PHLPP1: variants seen among roughly 807,000 people sequenced by gnomAD.
PHLPP1 encodes the protein PH domain and leucine rich repeat protein phosphatase 1, also known as PH domain leucine-rich repeat-containing protein phosphatase 1.
PHLPP1 carries 42 observed loss-of-function variants against 117.2 expected under a neutral mutation model. The ratio of observed to expected loss-of-function variants is 0.36; its 90% confidence interval spans 0.28 to 0.46. PHLPP1 has a LOEUF of 0.46. Among genes scored for constraint, PHLPP1 ranks in the 20% least tolerant of loss-of-function variants. The pLI is 1.00. For synonymous variants in PHLPP1, 1,042 were observed against 970.7 expected, an observed-to-expected ratio of 1.07 and a Z score of -1.37; for missense variants, 2,084 against 2,241.9, an observed-to-expected ratio of 0.93 and a Z score of 1.42.
intron 12 of PHLPP1, among the ~76,000 whole-genome samples, chr18:62,949,334 G>A (rs566526092): frequency 5.5e-4 from 84 of 152,302 alleles, no homozygotes; most frequent in African/African-American, 1.9e-3. Flanking sequence ...ACAAATCTCC[G>A]TACTGAGATG....
intron 12 of PHLPP1, among the ~76,000 whole-genome samples, chr18:62,958,228 GT>G (rs1188647073): frequency 6.6e-6 from 1 of 152,086 alleles, no homozygotes; most frequent in African/African-American, 2.4e-5. Context: ...AGCCTTCTTT[GT>G]TTTTTGTTTT....
chr18:62,913,834 C>T (rs1284434619), intron 8 of PHLPP1, among the ~76,000 whole-genome samples: 1 of 149,316 alleles, frequency 6.7e-6, no homozygotes, highest in African/African-American at 2.5e-5. Context: ...ACCTCCGCCT[C>T]CCGGGTTCAA....
chr18:62,920,733 G>C (rs1264015950), intron 10 of PHLPP1, among the ~76,000 whole-genome samples: 1 of 151,912 alleles, frequency 6.6e-6, no homozygotes, highest in African/African-American at 2.4e-5. Context: ...CTAATTTTTT[G>C]TATTTTTAGT....
chr18:62,716,318 C>G lies in PHLPP1; in HGVS notation c.635C>G (p.Ala212Gly), dbSNP rs1485458496. 1 of 1,530,724 alleles carries G rather than the reference C, an allele frequency of 6.5e-7. No individual in the cohort carries two copies. 94.8% of individuals were successfully genotyped at this position (1,530,724 alleles called of 1,614,324 possible). Residue 212 changes from alanine (A) to glycine (G), a missense_variant, in exon 1 of 17, where the codon GCC (alanine) becomes GGC (glycine). Around this residue, in one of 2 missense-constraint regions of PHLPP1, gnomAD observed 719 missense variants for 636.0 expected, o/e 1.13. Transcript: ENST00000262719. The surrounding 1 kb of genome is among the most constrained non-coding windows in gnomAD (Gnocchi z 5.7). ...GTGCACGTCTTCGACCGCCACATGG[C>G]CTCGACCTACCTGCGCCCGGTGCTC... is the stretch of plus-strand genomic sequence containing the variant. The part of the protein sequence containing the change: ...GCVHVFDRHM[A>G]STYLRPVLCT...
At chr18:62,848,719 C>G (rs1410356955) in intron 3 of PHLPP1, among the ~76,000 whole-genome samples, 1 of 152,090 alleles carries the variant, frequency 6.6e-6, no homozygotes, top group East Asian at 1.9e-4. Flanking sequence ...CCACCTTGGC[C>G]TCCCAAAGTA....
chr18:62,732,332 T>G (rs1406339452), intron 1 of PHLPP1, among the ~76,000 whole-genome samples: 1 of 152,252 alleles, frequency 6.6e-6, no homozygotes, highest in African/African-American at 2.4e-5. Flanking sequence ...CCCTGAGAAT[T>G]CTGCTAAATC....
At chr18:62,776,563 T>C (rs1912962330) in intron 1 of PHLPP1, among the ~76,000 whole-genome samples, 2 of 152,232 alleles carry the variant, frequency 1.3e-5, no homozygotes, top group South Asian at 4.1e-4. Context: ...GACTTTGAGA[T>C]TCACCCATGT....
At chr18:62,824,434 A>C (rs1040094182) in intron 1 of PHLPP1, among the ~76,000 whole-genome samples, 4 of 152,202 alleles carry the variant, frequency 2.6e-5, no homozygotes, top group African/African-American at 4.8e-5. Context: ...CATGGATGAA[A>C]GTGACAGAAA....
At chr18:62,889,858 A>G (rs972115939) in intron 4 of PHLPP1, among the ~76,000 whole-genome samples, 2 of 152,242 alleles carry the variant, frequency 1.3e-5, no homozygotes, top group Non-Finnish European at 2.9e-5. Context: ...TAAAAAGTTA[A>G]TGAGATAGTT....
intron 1 of PHLPP1, among the ~76,000 whole-genome samples, chr18:62,778,271 A>G (rs184767482): frequency 6.6e-6 from 1 of 152,292 alleles, no homozygotes; most frequent in East Asian, 1.9e-4. Context: ...TTGGCAGTTA[A>G]AAAGACAGCG....
rs1353760423 is a variant in PHLPP1 at position 62,807,670 on chromosome 18, C to A, written c.1577-22365C>A. ...TAGCCTTTTGCTCCTAGGCTATAAA[C>A]CTGTGCAGCGTGTTACTGTACTGAA... On this transcript the variant is annotated intron_variant, in intron 1 of 16. Coordinates refer to ENST00000262719, the MANE Select transcript of PHLPP1 (RefSeq NM_194449.4). Among the ~76,000 whole-genome samples, 6 of 152,254 alleles carry A rather than the reference C, an allele frequency of 3.9e-5. No homozygotes were observed. In the East Asian group the frequency reaches 5.8e-4, roughly 15 times the overall value.
intron 1 of PHLPP1, among the ~76,000 whole-genome samples, chr18:62,795,560 G>GAAAC (rs979178837): frequency 1.3e-5 from 2 of 149,518 alleles, no homozygotes; most frequent in Non-Finnish European, 3.0e-5. Flanking sequence ...TGGTCACTCA[G>GAAAC]AAACAAACCA....
At chr18:62,745,751 C>A (rs912125400) in intron 1 of PHLPP1, among the ~76,000 whole-genome samples, 13 of 152,152 alleles carry the variant, frequency 8.5e-5, no homozygotes, top group African/African-American at 3.1e-4. Context: ...AATTAAAATT[C>A]TTAATGTTAC....
chr18:62,824,023 T>C (rs1914540582), intron 1 of PHLPP1, among the ~76,000 whole-genome samples: 1 of 151,692 alleles, frequency 6.6e-6, no homozygotes, highest in East Asian at 1.9e-4. Flanking sequence ...TCCCAACTAC[T>C]TGGGAGGCTG....
intron 6 of PHLPP1, among the ~76,000 whole-genome samples, chr18:62,900,161 G>C (rs1329407915): frequency 6.6e-6 from 1 of 152,026 alleles, no homozygotes; most frequent in African/African-American, 2.4e-5. Context: ...GCTGGCTGTG[G>C]TGGCATGTTC....
At chr18:62,975,374 C>T in intron 15 of PHLPP1, 23 bp from the exon 16 acceptor site, 1 of 1,546,240 alleles carries the variant, frequency 6.5e-7, no homozygotes, top group East Asian at 2.2e-5. Context: ...GTTTGAGTGT[C>T]ACCCCCTCTC....
chr18:62,727,445 C>T (rs1911107093), intron 1 of PHLPP1, among the ~76,000 whole-genome samples: 1 of 151,508 alleles, frequency 6.6e-6, no homozygotes, highest in Non-Finnish European at 1.5e-5. Flanking sequence ...CCATTCTCTA[C>T]AAAATAATAA....
chr18:62,902,287 C>A (rs1599111776), intron 6 of PHLPP1, among the ~76,000 whole-genome samples: 1 of 152,108 alleles, frequency 6.6e-6, no homozygotes, highest in Non-Finnish European at 1.5e-5. Context: ...ATTCTAGATG[C>A]CGGATTTCAG....
intron 14 of PHLPP1, among the ~76,000 whole-genome samples, chr18:62,967,561 G>C (rs1268200462): frequency 6.6e-6 from 1 of 150,972 alleles, no homozygotes; most frequent in Non-Finnish European, 1.5e-5. Context: ...TGTGATGTTA[G>C]CTCTCGGTAT....
Sources: gnomAD v4.1 joint callset for allele counts (sites outside exome capture counted in the v4.1 genomes callset) on GRCh38, gnomAD v4.1.1 for gene constraint, gnomAD v4.1.1 regional missense constraint, Gnocchi (gnomAD v3.1) non-coding constraint, MANE v1.5 for transcripts, NCBI Gene and HGNC (gene_info 2026-07-23, HGNC 2026-07-21) for gene names.